The following PARD3B variants were observed in gnomAD, a reference collection of about 807,000 sequenced individuals.
PARD3B encodes the protein par-3 family cell polarity regulator beta.
In PARD3B, 103 loss-of-function variants were observed where a neutral mutation model predicts 130.2. The ratio of observed to expected loss-of-function variants is 0.79; its 90% CI spans 0.67 to 0.93. The LOEUF (loss-of-function observed/expected upper bound fraction) is 0.93, where lower values mean the gene tolerates loss of function less well. Ranked by LOEUF, PARD3B falls within the 40% of genes least tolerant of loss-of-function variation. The pLI, the probability that PARD3B is intolerant of heterozygous loss-of-function variation, is 0.00. For missense variants in PARD3B, 1,609 were observed against 1,499.2 expected (o/e 1.07, Z -1.21); for synonymous variants, 583 against 553.2 (o/e 1.05, Z -0.76).
At chr2:205,172,829 T>C (rs1311229349) in intron 12 of PARD3B, among the ~76,000 whole-genome samples, 1 of 152,232 alleles carries the variant, frequency 6.6e-6, no homozygotes, top group African/African-American at 2.4e-5. Context: ...ACATTTGATT[T>C]ATTAAACAAG....
intron 1 of PARD3B, among the ~76,000 whole-genome samples, chr2:204,593,520 C>T (rs570170079): frequency 5.9e-5 from 9 of 152,164 alleles, no homozygotes; most frequent in Non-Finnish European, 8.8e-5. Flanking sequence ...AGTTTGCAGG[C>T]TCTCAGCTCT....
At chr2:204,763,835 G>C (rs2041014081) in intron 2 of PARD3B, among the ~76,000 whole-genome samples, 1 of 152,100 alleles carries the variant, frequency 6.6e-6, no homozygotes, top group African/African-American at 2.4e-5. Context: ...TTTTATTTTG[G>C]AAAGATAATG....
intron 22 of PARD3B, among the ~76,000 whole-genome samples, chr2:205,573,479 G>A (rs1290897589): frequency 2.0e-5 from 3 of 152,116 alleles, no homozygotes; most frequent in Non-Finnish European, 4.4e-5. Flanking sequence ...GGCACATAGA[G>A]AACTCAAAGT....
intron 3 of PARD3B, among the ~76,000 whole-genome samples, chr2:205,004,344 A>G (rs1695084306): frequency 6.6e-6 from 1 of 152,224 alleles, no homozygotes; most frequent in African/African-American, 2.4e-5. Flanking sequence ...TGAGTAAATG[A>G]TTTGAAGAGT....
At chr2:205,454,680 G>C in intron 20 of PARD3B, among the ~76,000 whole-genome samples, 1 of 152,122 alleles carries the variant, frequency 6.6e-6, no homozygotes, top group East Asian at 1.9e-4. Context: ...TGTAGATGCA[G>C]AAGATTTTCT....
intron 18 of PARD3B, among the ~76,000 whole-genome samples, chr2:205,382,971 G>A (rs1483843836): frequency 1.3e-5 from 2 of 151,896 alleles, no homozygotes; most frequent in South Asian, 2.1e-4. Context: ...CCACTTCTCC[G>A]AGGAAGTCTG....
chr2:205,290,457 T>A (rs1353118680), intron 16 of PARD3B, among the ~76,000 whole-genome samples: 1 of 152,186 alleles, frequency 6.6e-6, no homozygotes, highest in Non-Finnish European at 1.5e-5. Context: ...CATTTCCTTG[T>A]ATGCACTCTC....
intron 19 of PARD3B, among the ~76,000 whole-genome samples, chr2:205,420,421 T>C (rs773512898): frequency 1.3e-5 from 2 of 152,200 alleles, no homozygotes; most frequent in Non-Finnish European, 2.9e-5. Context: ...AAATAATTTG[T>C]CCGTGGTACA....
At chr2:204,575,489 A>G (rs919962930) in intron 1 of PARD3B, among the ~76,000 whole-genome samples, 2 of 152,234 alleles carry the variant, frequency 1.3e-5, no homozygotes, top group Admixed American at 6.5e-5. Flanking sequence ...TGATGCTAAG[A>G]AAGCAGTTCT....
chr2:204,789,743 T>C (rs1288116820), intron 2 of PARD3B, among the ~76,000 whole-genome samples: 2 of 152,192 alleles, frequency 1.3e-5, no homozygotes, highest in Non-Finnish European at 2.9e-5. Context: ...TTGTCAATAT[T>C]AGTTTTAGTG....
intron 18 of PARD3B, among the ~76,000 whole-genome samples, chr2:205,375,960 T>C (rs536930278): frequency 2.4e-4 from 37 of 152,224 alleles, no homozygotes; most frequent in African/African-American, 7.5e-4. Flanking sequence ...CTACAACAAA[T>C]TGACAAGAAT....
intron 15 of PARD3B, among the ~76,000 whole-genome samples, chr2:205,206,349 G>A (rs543881063): frequency 4.1e-4 from 61 of 149,956 alleles, no homozygotes; most frequent in Non-Finnish European, 6.8e-4. Context: ...TATATCTCCC[G>A]ATGCTATCCC....
At chr2:204,959,341 G>T (rs905348777) in intron 2 of PARD3B, among the ~76,000 whole-genome samples, 1 of 152,142 alleles carries the variant, frequency 6.6e-6, no homozygotes, top group East Asian at 1.9e-4. Context: ...GTATTCCATT[G>T]TGTATATGTG....
At chr2:204,611,671 A>G (rs2033927241) in intron 1 of PARD3B, among the ~76,000 whole-genome samples, 1 of 152,196 alleles carries the variant, frequency 6.6e-6, no homozygotes, top group Non-Finnish European at 1.5e-5. Context: ...AGAAAATGGG[A>G]AAGCAGTCCC....
chr2:205,066,961 G>T (rs1235018786), intron 4 of PARD3B, among the ~76,000 whole-genome samples: 5 of 152,012 alleles, frequency 3.3e-5, no homozygotes, highest in Non-Finnish European at 7.4e-5. Context: ...TGAGGGGAAG[G>T]GAGGTTGTGC....
At chr2:204,649,045 A>G (rs914639864) in intron 1 of PARD3B, among the ~76,000 whole-genome samples, 1 of 123,584 alleles carries the variant, frequency 8.1e-6, no homozygotes, top group Non-Finnish European at 1.6e-5. Context: ...AATATATATC[A>G]TATAAATAAT....
intron 18 of PARD3B, among the ~76,000 whole-genome samples, chr2:205,361,841 AT>A (rs10711018): frequency 0.6 from 90,990 of 151,166 alleles, 30,576 homozygotes; most frequent in South Asian, 0.77. Flanking sequence ...TCCCAAACAC[AT>A]TTTTTTTTCT....
intron 18 of PARD3B, among the ~76,000 whole-genome samples, chr2:205,383,600 T>C (rs897116637): frequency 6.6e-6 from 1 of 152,118 alleles, no homozygotes; most frequent in South Asian, 2.1e-4. Flanking sequence ...ATACCTTGGT[T>C]GATTGTTTTA....
chr2:205,179,604 A>G (rs1449829693), intron 13 of PARD3B, among the ~76,000 whole-genome samples: 2 of 152,234 alleles, frequency 1.3e-5, no homozygotes, highest in African/African-American at 4.8e-5. Context: ...GCAATAGGCT[A>G]TACCACAGAG....
Sources: gnomAD v4.1 joint callset for allele counts (sites outside exome capture counted in the v4.1 genomes callset) on GRCh38, gnomAD v4.1.1 for gene constraint, MANE v1.5 for transcripts, NCBI Gene and HGNC (gene_info 2026-07-23, HGNC 2026-07-21) for gene names.